Variants in SPECC1 observed in about 807,000 individuals in gnomAD.
The protein encoded by SPECC1 is sperm antigen with calponin homology and coiled-coil domains 1.
Under a neutral mutation model 104.1 loss-of-function variants are expected in SPECC1, and 62 were observed. The observed-to-expected ratio is 0.60, with a 90% CI of 0.49 to 0.74. The LOEUF is 0.74. Ranked by LOEUF, SPECC1 falls within the 30% of genes least tolerant of loss-of-function variation. The pLI is 0.00. For missense variants in SPECC1, 1,306 were observed against 1,310.5 expected, an observed-to-expected ratio of 1.00 and a Z score of 0.05; for synonymous variants, 513 against 501.6, an observed-to-expected ratio of 1.02 and a Z score of -0.30.
intron 14 of SPECC1, among the ~76,000 whole-genome samples, chr17:20,313,145 C>G (rs1334447094): frequency 2.6e-5 from 4 of 152,146 alleles, no homozygotes; most frequent in Non-Finnish European, 5.9e-5. Context: ...GGATGTTATG[C>G]ATGCTCATTA....
Position 20,096,809 on chromosome 17 carries a change from A to T in SPECC1, c.147+11A>T. 1 of 1,610,124 alleles carries T rather than the reference A, an allele frequency of 6.2e-7. No homozygotes were observed. Among genetic ancestry groups the T allele is most frequent in the Admixed American group, 1.7e-5 (1 of 59,794 alleles). Reference sequence around the variant, plus strand: ...TCCCGACTCAGCAGGGTATGGATCAAAATGCACAGGGCCAGGCAGAGCGCC... The same window carrying T: ...TCCCGACTCAGCAGGGTATGGATCATAATGCACAGGGCCAGGCAGAGCGCC... On this transcript the variant is annotated intron_variant, in intron 2 of 14. Transcript: ENST00000395527.
intron 3 of SPECC1, among the ~76,000 whole-genome samples, chr17:20,125,179 C>CA (rs920419644): frequency 5.1e-4 from 69 of 136,182 alleles, no homozygotes; most frequent in Middle Eastern, 7.4e-3. Context: ...GACTCCATCT[C>CA]AAAAAACAAA....
At chr17:20,306,285 A>G (rs2041762428) in intron 14 of SPECC1, 2 of 513,648 alleles carry the variant, frequency 3.9e-6, no homozygotes, top group Non-Finnish European at 6.9e-6. Flanking sequence ...AAGATTTCAT[A>G]TGGACAAATT....
chr17:20,265,490 A>G (rs1043852778), intron 12 of SPECC1, among the ~76,000 whole-genome samples: 2 of 152,038 alleles, frequency 1.3e-5, no homozygotes. Context: ...GTTCTTATAG[A>G]TTCTGGATAT....
intron 12 of SPECC1, among the ~76,000 whole-genome samples, chr17:20,291,086 A>G (rs1170035417): frequency 6.6e-6 from 1 of 152,236 alleles, no homozygotes; most frequent in Non-Finnish European, 1.5e-5. Flanking sequence ...GTTTGGATGC[A>G]CAAGTTCCTT....
chr17:20,174,679 C>T (rs1597883284), intron 3 of SPECC1, among the ~76,000 whole-genome samples: 1 of 152,240 alleles, frequency 6.6e-6, no homozygotes, highest in Middle Eastern at 3.4e-3. Context: ...TCTTGCCCTT[C>T]ATTTCCTTTA....
At chr17:20,304,209 G>C (rs1463606280) in intron 13 of SPECC1, among the ~76,000 whole-genome samples, 1 of 149,652 alleles carries the variant, frequency 6.7e-6, no homozygotes, top group Non-Finnish European at 1.5e-5. Flanking sequence ...AGAATCACTT[G>C]GACCTGGGAG....
chr17:20,087,629 A>C (rs1385785132), intron 1 of SPECC1, among the ~76,000 whole-genome samples: 1 of 152,138 alleles, frequency 6.6e-6, no homozygotes, highest in Non-Finnish European at 1.5e-5. Context: ...GCATGTTTTC[A>C]GTGAAAGCCA....
chr17:20,064,189 G>T (rs767159586), intron 1 of SPECC1, among the ~76,000 whole-genome samples: 1 of 152,170 alleles, frequency 6.6e-6, no homozygotes, highest in Non-Finnish European at 1.5e-5. Context: ...AACCCAGCTC[G>T]GAGGGAGTGT....
rs529973201 is a variant in SPECC1, at chr17:20,205,064, C to T, written c.1015C>T (p.Pro339Ser). 1 of 1,614,164 alleles carries T rather than the reference C, an allele frequency of 6.2e-7. No individual in the cohort carries two copies. Among genetic ancestry groups the T allele is most frequent in the African/African-American group, 1.3e-5 (1 of 75,042 alleles). Residue 339 changes from proline (P) to serine (S), a missense_variant, in exon 4 of 15, where the codon CCC (proline) becomes TCC (serine). Pro to Ser is a moderately conservative substitution (Grantham distance 74). Coordinates refer to ENST00000395527, the MANE Select transcript of SPECC1 (RefSeq NM_001243439.2). ...CTTTGAGCACATTACAGCAGAGACA[C>T]CCTCAAGGCCCCTGTCCTCCACCAG... ...SDFEHITAETPSRPLSSTSNP... is the reference protein window; with the variant it reads ...SDFEHITAETSSRPLSSTSNP...
intron 4 of SPECC1, among the ~76,000 whole-genome samples, chr17:20,226,463 G>A (rs1598028686): frequency 6.6e-6 from 1 of 152,268 alleles, no homozygotes; most frequent in South Asian, 2.1e-4. Flanking sequence ...ATGGACACAT[G>A]CATATATAGT....
chr17:20,253,003 A>AT (rs2039689823), intron 9 of SPECC1, among the ~76,000 whole-genome samples: 1 of 148,482 alleles, frequency 6.7e-6, no homozygotes, highest in South Asian at 2.1e-4. Context: ...CAGGAGTTTC[A>AT]TTTTCTCTAC....
chr17:20,115,622 T>C (rs2048717784), intron 3 of SPECC1, among the ~76,000 whole-genome samples: 1 of 152,196 alleles, frequency 6.6e-6, no homozygotes, highest in Non-Finnish European at 1.5e-5. Flanking sequence ...TTAAGAAATT[T>C]TGGAATATAA....
intron 3 of SPECC1, among the ~76,000 whole-genome samples, chr17:20,158,229 A>T (rs2032784046): frequency 6.6e-6 from 1 of 152,136 alleles, no homozygotes; most frequent in Non-Finnish European, 1.5e-5. Flanking sequence ...GACCAAAAGG[A>T]TATAAGGGGG....
chr17:20,181,354 T>C (rs946987241), intron 3 of SPECC1, among the ~76,000 whole-genome samples: 1 of 151,984 alleles, frequency 6.6e-6, no homozygotes, highest in African/African-American at 2.4e-5. Context: ...AGAACAACAC[T>C]AGTTCTTTGA....
chr17:20,238,124 G>A, intron 7 of SPECC1: 1 of 1,029,536 alleles, frequency 9.7e-7, no homozygotes, highest in Non-Finnish European at 1.2e-6. Context: ...TCCAAGCTTT[G>A]GGTTGATTTC....
chr17:20,171,936 G>A (rs2034124202), intron 3 of SPECC1, among the ~76,000 whole-genome samples: 1 of 152,176 alleles, frequency 6.6e-6, no homozygotes, highest in African/African-American at 2.4e-5. Flanking sequence ...GAGACTGGTA[G>A]CCAAACCTGC....
intron 1 of SPECC1, among the ~76,000 whole-genome samples, chr17:20,066,214 G>A (rs1384844291): frequency 6.6e-6 from 1 of 152,146 alleles, no homozygotes; most frequent in Middle Eastern, 3.2e-3. Context: ...CCTCTCTGAG[G>A]ACTCTTATTC....
intron 4 of SPECC1, among the ~76,000 whole-genome samples, chr17:20,208,304 C>A (rs1435419303): frequency 6.6e-6 from 1 of 152,030 alleles, no homozygotes; most frequent in Non-Finnish European, 1.5e-5. Flanking sequence ...CTATCAAGAC[C>A]CTAGGTTTGT....
Sources: allele counts gnomAD v4.1 joint callset (sites outside exome capture counted in the v4.1 genomes callset), GRCh38; gene constraint gnomAD v4.1.1; transcripts MANE v1.5; gene names NCBI Gene and HGNC (gene_info 2026-07-23, HGNC 2026-07-21).